Variants in EPS15 observed in about 807,000 individuals in gnomAD.
EPS15 encodes the protein epidermal growth factor receptor pathway substrate 15, also known as epidermal growth factor receptor substrate 15.
A neutral mutation model predicts 113.8 loss-of-function variants in EPS15; 72 were observed. The ratio of observed to expected loss-of-function variants is 0.63; its 90% CI spans 0.52 to 0.77. EPS15 has a LOEUF of 0.77. EPS15 is among the 30% of genes least tolerant of loss of function. The pLI is 0.00. For missense variants in EPS15, 1,048 were observed against 1,045.8 expected, an observed-to-expected ratio of 1.00 and a Z score of -0.03; for synonymous variants, 344 against 363.4, an observed-to-expected ratio of 0.95 and a Z score of 0.61.
At chr1:51,376,500 C>T (rs559285113) in intron 21 of EPS15, among the ~76,000 whole-genome samples, 196 of 152,232 alleles carry the variant, frequency 1.3e-3, no homozygotes, top group African/African-American at 4.4e-3. Flanking sequence ...CCTGTCTCTA[C>T]TAAAAATACA....
At chr1:51,387,172 C>A (rs1472083686) in intron 21 of EPS15, among the ~76,000 whole-genome samples, 2 of 152,138 alleles carry the variant, frequency 1.3e-5, no homozygotes, top group Non-Finnish European at 2.9e-5. Flanking sequence ...GTTCAACATT[C>A]TTAAAGAAAA....
chr1:51,445,196 T>C (rs552089857), intron 10 of EPS15, 151 bp from the exon 11 acceptor site: 359 of 694,196 alleles, frequency 5.2e-4, no homozygotes, highest in Non-Finnish European at 7.3e-4. Flanking sequence ...CTCACTCAAC[T>C]GTTCGAAGAG....
At chr1:51,428,134 A>G (rs1651382490) in intron 12 of EPS15, among the ~76,000 whole-genome samples, 1 of 152,172 alleles carries the variant, frequency 6.6e-6, no homozygotes, top group Non-Finnish European at 1.5e-5. Flanking sequence ...AGAATTCTAT[A>G]CCTGACAAAA....
intron 2 of EPS15, among the ~76,000 whole-genome samples, chr1:51,477,357 A>C (rs1238347151): frequency 6.6e-6 from 1 of 151,884 alleles, no homozygotes; most frequent in Non-Finnish European, 1.5e-5. Context: ...CTTCTTTATT[A>C]GTTTTGCTAG....
At chr1:51,418,379 T>A (rs1362996663) in intron 13 of EPS15, among the ~76,000 whole-genome samples, 1 of 151,212 alleles carries the variant, frequency 6.6e-6, no homozygotes, top group Admixed American at 6.6e-5. Flanking sequence ...AAGAAAGGAG[T>A]ACCTAATACA....
intron 8 of EPS15, 115 bp downstream of exon 8, chr1:51,460,976 C>T (rs1654394371): frequency 1.5e-6 from 1 of 647,060 alleles, no homozygotes; most frequent in Non-Finnish European, 2.7e-6. Flanking sequence ...AAAAAAAGTT[C>T]ACCCAATAAT....
intron 13 of EPS15, among the ~76,000 whole-genome samples, chr1:51,411,794 T>G (rs1346250879): frequency 2.0e-5 from 3 of 152,202 alleles, no homozygotes; most frequent in Admixed American, 2.0e-4. Context: ...TGGAAGACAG[T>G]CTGGCGATTC....
At chr1:51,419,244 A>G (rs1203591679) in intron 13 of EPS15, among the ~76,000 whole-genome samples, 1 of 152,146 alleles carries the variant, frequency 6.6e-6, no homozygotes, top group African/African-American at 2.4e-5. Flanking sequence ...TGATCATCTC[A>G]TGAAATAAAA....
chr1:51,420,088 T>G (rs1030480964), intron 13 of EPS15, among the ~76,000 whole-genome samples: 1 of 152,122 alleles, frequency 6.6e-6, no homozygotes, highest in Non-Finnish European at 1.5e-5. Context: ...CTTAGAGCAC[T>G]CTATGTGGAA....
intron 21 of EPS15, among the ~76,000 whole-genome samples, chr1:51,387,918 G>C (rs1212960077): frequency 6.6e-6 from 1 of 152,158 alleles, no homozygotes; most frequent in Non-Finnish European, 1.5e-5. Flanking sequence ...CAATGAGACA[G>C]AAAGTTAAAA....
rs902921527 is a variant in EPS15, at chr1:51,440,492, C to T, written c.955-60G>A. 2.2e-5 allele frequency: 16 copies of T among 722,996 alleles called. No homozygotes were observed. The African/African-American group carries it at 2.5e-4, about 11-fold the overall frequency. 44.8% of individuals were successfully genotyped at this position (722,996 alleles called of 1,614,324 possible). A position where few individuals can be genotyped will look rare whatever the true frequency, so the allele number is the denominator to read the frequency against. On this transcript the variant is annotated intron_variant, in intron 11 of 24. Transcript: ENST00000371733. The stretch of plus-strand genomic sequence containing the variant: ...TAAAATTAGGTAATATAAGACAAAA[C>T]ACTAAAAATATTAAAGCTCTACGCA...
intron 1 of EPS15, among the ~76,000 whole-genome samples, chr1:51,503,812 A>G (rs76744483): frequency 0.032 from 4,845 of 152,340 alleles, 123 homozygotes; most frequent in Non-Finnish European, 0.05. Context: ...ATTATTGACA[A>G]GAGTGCCAAG....
intron 13 of EPS15, among the ~76,000 whole-genome samples, chr1:51,416,674 A>G (rs1254178263): frequency 6.6e-6 from 1 of 152,184 alleles, no homozygotes; most frequent in Non-Finnish European, 1.5e-5. Context: ...TTTTAGACAT[A>G]TGAAAAAATA....
chr1:51,491,674 AGAACAACTCTAAAGCTAG>A (rs6143219), intron 1 of EPS15, among the ~76,000 whole-genome samples: 1,827 of 152,178 alleles, frequency 0.012, 150 homozygotes, highest in Admixed American at 0.11. Flanking sequence ...TTGAGAAAGG[AGAACAACTCTAAAGCTAG>A]GGTGGAGGGC....
rs772766994 is a variant in EPS15 at position 51,403,530 on chromosome 1, T to A, written c.1680A>T (p.Ala560=). 3.2e-6 allele frequency: 5 copies of A among 1,555,942 alleles called. No individual in the cohort carries two copies. The Admixed American group carries it at 9.3e-5, about 29-fold the overall frequency. ...ESEPIHQESP[A]RSSPELLPSG... ...AAGGCAGTAGTTCAGGACTACTTCT[T>A]GCCTACAAAATATTAATGCAAGTAG... Residue 560 remains alanine (A), a splice_region_variant and synonymous_variant, in exon 17 of 25, where the codon GCA becomes GCT. Transcript: ENST00000371733.
chr1:51,518,751 CCGGCCTGGCGGGCGAGCCTCGTG>C (rs1252588207), intron 1 of EPS15, among the ~76,000 whole-genome samples: 5 of 152,044 alleles, frequency 3.3e-5, no homozygotes, highest in African/African-American at 1.2e-4. Flanking sequence ...CGGCGCGCAG[CCGGCCTGGCGGGCGAGCCTCGTG>C]CGGCCCGGGG....
chr1:51,439,953 T>C (rs1409120523), intron 12 of EPS15, among the ~76,000 whole-genome samples: 1 of 152,112 alleles, frequency 6.6e-6, no homozygotes, highest in Non-Finnish European at 1.5e-5. Flanking sequence ...TTTTCTAATA[T>C]GTTATTCAAA....
At chr1:51,444,476 A>C (rs1025511637) in intron 11 of EPS15, among the ~76,000 whole-genome samples, 2 of 152,234 alleles carry the variant, frequency 1.3e-5, no homozygotes, top group African/African-American at 4.8e-5. Flanking sequence ...TAAAATTGAC[A>C]CCAAGCAACC....
chr1:51,458,532 C>T, intron 8 of EPS15: 1 of 444,290 alleles, frequency 2.3e-6, no homozygotes, highest in South Asian at 1.6e-5. Flanking sequence ...TTATCAGGAG[C>T]TCGAGACCAG....
Sources: allele counts gnomAD v4.1 joint callset (sites outside exome capture counted in the v4.1 genomes callset), GRCh38; gene constraint gnomAD v4.1.1; transcripts MANE v1.5; gene names NCBI Gene and HGNC (gene_info 2026-07-23, HGNC 2026-07-21).